APLP2: variants seen among roughly 807,000 people sequenced by gnomAD.
APLP2 encodes the protein amyloid beta precursor like protein 2.
Under a neutral mutation model 89.9 loss-of-function variants are expected in APLP2, and 53 were observed. That is an observed-to-expected ratio of 0.59 (90% CI 0.47 to 0.74). The LOEUF is 0.74. Among genes scored for constraint, APLP2 ranks in the 30% least tolerant of loss-of-function variants. The pLI is 0.00. For missense variants in APLP2, 973 were observed against 975.9 expected, an observed-to-expected ratio of 1.00 and a Z score of 0.04; for synonymous variants, 372 against 348.6, an observed-to-expected ratio of 1.07 and a Z score of -0.75.
chr11:130,141,755 T>G lies in APLP2; in HGVS notation c.1999-164T>G. The G allele has an allele frequency of 1.1e-6, 1 of 943,254 alleles. No individual in the cohort carries two copies. Among genetic ancestry groups the G allele is most frequent in the Non-Finnish European group, 1.6e-6 (1 of 637,124 alleles). The allele number at this position is 943,254 out of a possible 1,614,324, so 58.4% of individuals were successfully genotyped here. A position where few individuals can be genotyped will look rare whatever the true frequency, so the allele number is the denominator to read the frequency against. On this transcript the variant is annotated intron_variant, in intron 15 of 16. Coordinates refer to ENST00000338167, the MANE Select transcript of APLP2 (RefSeq NM_001142276.2). This position sits in a 1 kb window ranked among gnomAD's most constrained non-coding sequence, Gnocchi z 4.2. ...AAATCTCCATGGAGATTGGGAAGAG[T>G]GGGCGTTCTCCACCTGTGGGTGGTT...
At chr11:130,084,749 A>C (rs1158344388) in intron 1 of APLP2, among the ~76,000 whole-genome samples, 1 of 152,184 alleles carries the variant, frequency 6.6e-6, no homozygotes, top group Admixed American at 6.5e-5. Context: ...CAAACAGCCT[A>C]ATTGTACACC....
intron 1 of APLP2, among the ~76,000 whole-genome samples, chr11:130,081,633 CT>C (rs1282546800): frequency 4.6e-5 from 7 of 152,130 alleles, no homozygotes; most frequent in African/African-American, 7.2e-5. Context: ...GTTTTCCCCC[CT>C]AAAACACTGG....
At chr11:130,072,474 C>CTT (rs562054930) in intron 1 of APLP2, among the ~76,000 whole-genome samples, 10 of 110,288 alleles carry the variant, frequency 9.1e-5, no homozygotes, top group Non-Finnish European at 1.1e-4. Context: ...GGAATATCGT[C>CTT]TTTTTTTTTT....
chr11:130,071,188 C>T (rs1196705133), intron 1 of APLP2, among the ~76,000 whole-genome samples: 2 of 150,238 alleles, frequency 1.3e-5, no homozygotes, highest in African/African-American at 5.0e-5. Context: ...TTTGATTGGG[C>T]ATTAATTGAG....
At chr11:130,114,446 A>G (rs1948948606) in intron 3 of APLP2, 1 of 152,226 alleles carries the variant, frequency 6.6e-6, no homozygotes, top group Non-Finnish European at 1.5e-5. Context: ...TAGCAGGAGT[A>G]GTGCGATACC....
chr11:130,138,887 C>G (rs956078593), intron 13 of APLP2: 1 of 151,892 alleles, frequency 6.6e-6, no homozygotes, highest in African/African-American at 2.4e-5. Context: ...GCATGAGCCA[C>G]TGTATCCAGT....
intron 1 of APLP2, among the ~76,000 whole-genome samples, chr11:130,085,554 G>A (rs1211968168): frequency 1.3e-5 from 2 of 152,168 alleles, no homozygotes; most frequent in African/African-American, 4.8e-5. Context: ...CATTAAGGAA[G>A]AATTAACACT....
At chr11:130,101,914 A>G (rs1178339569) in intron 1 of APLP2, 1 of 455,158 alleles carries the variant, frequency 2.2e-6, no homozygotes, top group East Asian at 7.0e-5. Flanking sequence ...TTTACTTGTC[A>G]TTTCTGCTTA....
chr11:130,114,238 T>A (rs1209398542), intron 3 of APLP2: 3 of 151,952 alleles, frequency 2.0e-5, no homozygotes, highest in Admixed American at 2.0e-4. Context: ...TTTTTTTTTT[T>A]AACTACAGAC....
At chr11:130,091,130 G>A (rs1945011993) in intron 1 of APLP2, among the ~76,000 whole-genome samples, 5 of 140,274 alleles carry the variant, frequency 3.6e-5, no homozygotes, top group Admixed American at 2.1e-4. Context: ...GCGGCTGGCC[G>A]GGCAGAGGGG....
chr11:130,132,399 C>A (rs567111056), intron 11 of APLP2, among the ~76,000 whole-genome samples: 1 of 152,116 alleles, frequency 6.6e-6, no homozygotes, highest in East Asian at 1.9e-4. Context: ...TGGCTTCAGG[C>A]CCACATAATT....
Position 130,143,495 on chromosome 11 carries a change from G to C in APLP2, c.*47G>C. On this transcript the variant is annotated 3_prime_UTR_variant, in exon 17 of 17. Transcript: ENST00000338167. The stretch of plus-strand genomic sequence containing the variant: ...CTGGCGGAGGGATGCAGGTGGGCCG[G>C]AAGATCCCACGATTCCGATCGACTG... 1 of 1,512,562 alleles carries C rather than the reference G, an allele frequency of 6.6e-7. No individual in the cohort carries two copies. The highest frequency in any genetic ancestry group is 9.2e-7 in the Non-Finnish European group (1 of 1,089,480). The allele number at this position is 1,512,562 out of a possible 1,614,324, so 93.7% of individuals were successfully genotyped here. A position where few individuals can be genotyped will look rare whatever the true frequency, so the allele number is the denominator to read the frequency against.
chr11:130,077,530 ATAGT>A (rs1942342263), intron 1 of APLP2, among the ~76,000 whole-genome samples: 1 of 151,918 alleles, frequency 6.6e-6, no homozygotes, highest in Non-Finnish European at 1.5e-5. Flanking sequence ...CCCACATAGG[ATAGT>A]TAAACATGTA....
chr11:130,083,336 T>G (rs1345483317), intron 1 of APLP2, among the ~76,000 whole-genome samples: 1 of 151,862 alleles, frequency 6.6e-6, no homozygotes, highest in East Asian at 1.9e-4. Flanking sequence ...AGCCCTGCCT[T>G]AAAACATTTT....
At chr11:130,089,584 C>G (rs1944603982) in intron 1 of APLP2, among the ~76,000 whole-genome samples, 1 of 152,230 alleles carries the variant, frequency 6.6e-6, no homozygotes, top group African/African-American at 2.4e-5. Context: ...CATGTTGAGT[C>G]TTGTTTACCC....
At chr11:130,093,862 G>C (rs889966550) in intron 1 of APLP2, among the ~76,000 whole-genome samples, 1 of 151,946 alleles carries the variant, frequency 6.6e-6, no homozygotes, top group Non-Finnish European at 1.5e-5. Context: ...TCCTGCCTCA[G>C]CCTCCCGCGT....
At chr11:130,143,286 C>G in intron 16 of APLP2, 61 bp from the exon 17 acceptor site, 1 of 1,495,074 alleles carries the variant, frequency 6.7e-7, no homozygotes, top group East Asian at 2.3e-5. Context: ...TCAGGTCTCC[C>G]AGCACCCTGT....
chr11:130,129,275 G>A, intron 10 of APLP2, 69 bp downstream of exon 10: 3 of 1,492,200 alleles, frequency 2.0e-6, no homozygotes, highest in Non-Finnish European at 2.7e-6. Flanking sequence ...TGACACTCAG[G>A]TCAGTAAAAG....
At chr11:130,140,546 C>CTGA in intron 14 of APLP2, 63 bp downstream of exon 14, 12 of 1,380,692 alleles carry the variant, frequency 8.7e-6, no homozygotes, top group Non-Finnish European at 1.2e-5. Context: ...AGCGAGTGAC[C>CTGA]TGATGTCAGA....
Sources: gnomAD v4.1 joint callset for allele counts (sites outside exome capture counted in the v4.1 genomes callset) on GRCh38, gnomAD v4.1.1 for gene constraint, Gnocchi (gnomAD v3.1) non-coding constraint, MANE v1.5 for transcripts, NCBI Gene and HGNC (gene_info 2026-07-23, HGNC 2026-07-21) for gene names.